Variants in AVEN observed in about 807,000 individuals in gnomAD.
AVEN encodes apoptosis and caspase activation inhibitor.
In AVEN, 41 loss-of-function variants were observed where a neutral mutation model predicts 38.1. The observed-to-expected ratio is 1.08, with a 90% CI of 0.84 to 1.40. The LOEUF (loss-of-function observed/expected upper bound fraction) is 1.40. Ranked by LOEUF, AVEN falls within the 40% of genes most tolerant of loss-of-function variation. The pLI is 0.00. For missense variants in AVEN, 605 were observed against 438.8 expected, an observed-to-expected ratio of 1.38 and a Z score of -3.38; for synonymous variants, 206 against 171.8, an observed-to-expected ratio of 1.20 and a Z score of -1.56.
At chr15:33,901,083 G>A (rs1447717298) in intron 2 of AVEN, among the ~76,000 whole-genome samples, 6 of 152,118 alleles carry the variant, frequency 3.9e-5, no homozygotes, top group East Asian at 3.9e-4. Context: ...TGGCTAACAT[G>A]GTGAAACCCC....
At position 33,926,263 on chromosome 15, in the gene AVEN, C is replaced by G. The variant is rs115836889; in HGVS notation, c.446-50268G>C. 9.7e-3 allele frequency among the ~76,000 whole-genome samples: 1,480 copies of G among 152,280 alleles called. 23 individuals are homozygous for G. The highest frequency in any genetic ancestry group is 0.034 in the African/African-American group (1,410 of 41,550). On this transcript the variant is annotated intron_variant, in intron 2 of 5. Coordinates refer to ENST00000306730, the MANE Select transcript of AVEN (RefSeq NM_020371.3). ...AACCCTATTTATGGCTCCTTTCATTCTAGCTTCTCTTCTACAAATCTTTCT... is the reference window on the plus strand; with the variant it reads ...AACCCTATTTATGGCTCCTTTCATTGTAGCTTCTCTTCTACAAATCTTTCT...
chr15:34,052,174 G>A (rs1899946229), intron 5 of AVEN, among the ~76,000 whole-genome samples: 1 of 152,116 alleles, frequency 6.6e-6, no homozygotes, highest in Non-Finnish European at 1.5e-5. Flanking sequence ...TCATCCCTGG[G>A]ATGCAAGGTT....
intron 2 of AVEN, among the ~76,000 whole-genome samples, chr15:33,949,866 T>C (rs2140447357): frequency 6.6e-6 from 1 of 152,314 alleles, no homozygotes; most frequent in South Asian, 2.1e-4. Context: ...CACTTCTGGG[T>C]ATACGGCCAA....
At chr15:33,917,331 TGAATGGATAAA>T (rs1893174578) in intron 2 of AVEN, among the ~76,000 whole-genome samples, 1 of 149,898 alleles carries the variant, frequency 6.7e-6, no homozygotes, top group African/African-American at 2.5e-5. Flanking sequence ...CATCAATTAA[TGAATGGATAAA>T]GAAAATGTGG....
At chr15:33,959,264 T>C (rs1448080875) in intron 2 of AVEN, among the ~76,000 whole-genome samples, 2 of 152,166 alleles carry the variant, frequency 1.3e-5, no homozygotes, top group African/African-American at 4.8e-5. Flanking sequence ...ATAGAATAAT[T>C]ACCTGTTTAT....
intron 2 of AVEN, among the ~76,000 whole-genome samples, chr15:33,954,687 A>C (rs1894892051): frequency 6.6e-6 from 1 of 151,780 alleles, no homozygotes; most frequent in Admixed American, 6.6e-5. Flanking sequence ...TAGCATTAGG[A>C]GATATACCTA....
chr15:33,969,208 C>T (rs568733514), intron 2 of AVEN: 3 of 152,062 alleles, frequency 2.0e-5, no homozygotes, highest in African/African-American at 7.2e-5. Context: ...TAAATCTGCT[C>T]GTGCTGTGAA....
intron 2 of AVEN, among the ~76,000 whole-genome samples, chr15:33,987,719 C>G (rs1896539033): frequency 6.6e-6 from 1 of 152,198 alleles, no homozygotes; most frequent in Non-Finnish European, 1.5e-5. Flanking sequence ...TTTGTTTCAA[C>G]TGCAACAGTG....
chr15:33,892,251 T>C (rs554361989), intron 2 of AVEN, among the ~76,000 whole-genome samples: 10 of 152,368 alleles, frequency 6.6e-5, no homozygotes, highest in African/African-American at 1.4e-4. Context: ...TTCATCTATT[T>C]TGGCTTTTGT....
At chr15:33,929,797 G>A (rs977314535) in intron 2 of AVEN, among the ~76,000 whole-genome samples, 3 of 152,144 alleles carry the variant, frequency 2.0e-5, no homozygotes, top group Admixed American at 1.3e-4. Flanking sequence ...GAAACACAGT[G>A]TCCCTAAATA....
At chr15:33,922,539 A>G (rs1448911647) in intron 2 of AVEN, among the ~76,000 whole-genome samples, 2 of 152,202 alleles carry the variant, frequency 1.3e-5, no homozygotes, top group African/African-American at 2.4e-5. Flanking sequence ...GGCTCAAGAG[A>G]TGCTCCCGCC....
At chr15:33,862,307 G>A (rs1299043993), downstream of AVEN, among the ~76,000 whole-genome samples, 1 of 152,100 alleles carries the variant, frequency 6.6e-6, no homozygotes, top group East Asian at 1.9e-4. Flanking sequence ...CCACCTCCCA[G>A]GCTCAAGACA....
upstream of AVEN, among the ~76,000 whole-genome samples, chr15:34,041,377 C>T (rs1899470660): frequency 6.6e-6 from 1 of 152,128 alleles, no homozygotes; most frequent in Non-Finnish European, 1.5e-5. Flanking sequence ...AATTTGCCAA[C>T]ATTGAGAAAC....
intron 1 of AVEN, among the ~76,000 whole-genome samples, chr15:34,072,688 C>A (rs983208192): frequency 6.6e-6 from 1 of 151,508 alleles, no homozygotes; most frequent in African/African-American, 2.4e-5. Context: ...GCTCTGTTGC[C>A]CAGGCTCTGG....
intron 4 of AVEN, chr15:34,064,181 C>A (rs765515490): frequency 1.2e-6 from 2 of 1,614,078 alleles, no homozygotes; most frequent in African/African-American, 2.7e-5. Flanking sequence ...ATGTCAATAG[C>A]ACTGTCAACC....
intron 2 of AVEN, among the ~76,000 whole-genome samples, chr15:33,893,835 G>T (rs983619769): frequency 6.6e-6 from 1 of 152,152 alleles, no homozygotes; most frequent in African/African-American, 2.4e-5. Flanking sequence ...AATCAAAGAA[G>T]CAGTTGGAAT....
At chr15:33,954,473 G>T (rs1165881914) in intron 2 of AVEN, among the ~76,000 whole-genome samples, 2 of 152,056 alleles carry the variant, frequency 1.3e-5, no homozygotes, top group South Asian at 2.1e-4. Context: ...TATGCAGCCA[G>T]AAAAAAGGAT....
intron 2 of AVEN, among the ~76,000 whole-genome samples, chr15:33,988,444 C>T (rs995595573): frequency 6.6e-6 from 1 of 152,170 alleles, no homozygotes; most frequent in Admixed American, 6.5e-5. Context: ...ATAATGAAAC[C>T]TACCCTATTA....
chr15:33,953,636 T>C (rs1038655392), intron 2 of AVEN, among the ~76,000 whole-genome samples: 2 of 152,086 alleles, frequency 1.3e-5, no homozygotes, highest in Admixed American at 1.3e-4. Context: ...ACAAAAATTA[T>C]TTCAAGATGG....
Sources: allele counts gnomAD v4.1 joint callset (sites outside exome capture counted in the v4.1 genomes callset), GRCh38; gene constraint gnomAD v4.1.1; transcripts MANE v1.5; gene names NCBI Gene and HGNC (gene_info 2026-07-23, HGNC 2026-07-21).